Variants in GRAP2 observed in about 807,000 individuals in gnomAD.
GRAP2 encodes GRB2 related adaptor protein 2.
Under a neutral mutation model 43.5 loss-of-function variants are expected in GRAP2, and 31 were observed. The observed-to-expected ratio is 0.71, with a 90% confidence interval of 0.54 to 0.96. The LOEUF is 0.96. Among genes scored for constraint, GRAP2 ranks in the 40% least tolerant of loss-of-function variants. GRAP2 has a pLI of 0.00. For synonymous variants in GRAP2, 156 were observed against 164.8 expected (o/e 0.95, Z 0.41); for missense variants, 371 against 424.4 (o/e 0.87, Z 1.11).
intron 6 of GRAP2, chr22:39,968,578 A>G (rs2067203026): frequency 2.2e-6 from 1 of 456,852 alleles, no homozygotes. Flanking sequence ...GCACAATTCC[A>G]AATCTATTCA....
At chr22:39,924,643 A>G (rs2066681958) in intron 1 of GRAP2, among the ~76,000 whole-genome samples, 1 of 152,194 alleles carries the variant, frequency 6.6e-6, no homozygotes, top group Non-Finnish European at 1.5e-5. Flanking sequence ...CGGAGGTTGC[A>G]GTGAGCCAAG....
intron 1 of GRAP2, among the ~76,000 whole-genome samples, chr22:39,916,844 G>T (rs1404938430): frequency 1.3e-5 from 2 of 151,880 alleles, no homozygotes; most frequent in African/African-American, 4.8e-5. Flanking sequence ...GAGCAGAAAT[G>T]ATTTATTTGA....
upstream of GRAP2, among the ~76,000 whole-genome samples, chr22:39,897,839 G>T (rs1360533904): frequency 6.6e-6 from 1 of 152,000 alleles, no homozygotes; most frequent in Non-Finnish European, 1.5e-5. Context: ...CTCCTAACTG[G>T]TCTCTCTTCT....
At chr22:39,925,926 A>C (rs1199630837) in intron 1 of GRAP2, among the ~76,000 whole-genome samples, 1 of 152,164 alleles carries the variant, frequency 6.6e-6, no homozygotes, top group East Asian at 1.9e-4. Flanking sequence ...CATCACCTCC[A>C]GGAGACTCTC....
chr22:39,952,020 T>G (rs79542937), intron 2 of GRAP2, among the ~76,000 whole-genome samples: 2 of 129,742 alleles, frequency 1.5e-5, no homozygotes, highest in Non-Finnish European at 3.2e-5. Flanking sequence ...AAGTGTGTGG[T>G]TTTTTTTTTT....
chr22:39,900,506 A>G (rs1297584907), upstream of GRAP2, among the ~76,000 whole-genome samples: 1 of 152,208 alleles, frequency 6.6e-6, no homozygotes, highest in Non-Finnish European at 1.5e-5. Context: ...AAAGGTAAGA[A>G]CTAAGGAAGT....
At chr22:39,929,135 G>T (rs1039952893) in intron 1 of GRAP2, among the ~76,000 whole-genome samples, 13 of 152,150 alleles carry the variant, frequency 8.5e-5, no homozygotes, top group African/African-American at 3.1e-4. Flanking sequence ...TCTTTTTAAT[G>T]GTATTGTAGC....
intron 5 of GRAP2, among the ~76,000 whole-genome samples, chr22:39,967,675 T>C (rs543048733): frequency 8.5e-5 from 13 of 152,248 alleles, no homozygotes; most frequent in African/African-American, 2.9e-4. Flanking sequence ...GGAGGGTAGA[T>C]TGTCCAGTGG....
rs2145689298 is a variant in GRAP2 at position 39,971,907 on chromosome 22, A to C, written c.*823A>C. The C allele has an allele frequency of 6.6e-6, 1 of 152,350 alleles. No homozygotes were observed. Among genetic ancestry groups the C allele is most frequent in the Admixed American group, 6.5e-5 (1 of 15,308 alleles). The allele number at this position is 152,350 out of a possible 1,614,324, so 9.4% of individuals were successfully genotyped here. On this transcript the variant is annotated 3_prime_UTR_variant, in exon 8 of 8. Transcript: ENST00000344138. ...GTGCTTGAAGAAGCTCTAGCTGAGA[A>C]TGCTGAATTTTACAGTCATTGTTTT...
chr22:39,963,268 G>C (rs887491592), intron 4 of GRAP2, among the ~76,000 whole-genome samples: 1 of 152,112 alleles, frequency 6.6e-6, no homozygotes, highest in East Asian at 1.9e-4. Context: ...GCCCTGAGTC[G>C]CATCCTTTCC....
At chr22:39,959,027 C>T (rs1239056699) in intron 3 of GRAP2, among the ~76,000 whole-genome samples, 1 of 152,256 alleles carries the variant, frequency 6.6e-6, no homozygotes, top group Admixed American at 6.5e-5. Context: ...GAATCCAAAG[C>T]CAAGGCCTGA....
intron 1 of GRAP2, among the ~76,000 whole-genome samples, chr22:39,923,646 CT>C (rs1043191382): frequency 2.0e-5 from 3 of 152,126 alleles, no homozygotes; most frequent in African/African-American, 7.2e-5. Context: ...GAATTTCCAT[CT>C]GAGTAAAAAG....
intron 1 of GRAP2, among the ~76,000 whole-genome samples, chr22:39,906,714 T>C (rs2066526117): frequency 6.6e-6 from 1 of 152,246 alleles, no homozygotes; most frequent in Non-Finnish European, 1.5e-5. Flanking sequence ...CCCAGCCTTC[T>C]AGAACCACGG....
intron 1 of GRAP2, among the ~76,000 whole-genome samples, chr22:39,944,624 T>C (rs1176253993): frequency 6.6e-6 from 1 of 152,170 alleles, no homozygotes; most frequent in African/African-American, 2.4e-5. Flanking sequence ...ACCGCCTACC[T>C]CCTGGGGGAA....
At chr22:39,907,264 C>T (rs1372468772) in intron 1 of GRAP2, among the ~76,000 whole-genome samples, 4 of 152,034 alleles carry the variant, frequency 2.6e-5, no homozygotes, top group East Asian at 3.8e-4. Flanking sequence ...AAGATGTCAA[C>T]GAAAACTATG....
chr22:39,926,156 T>C (rs2066695556), intron 1 of GRAP2, among the ~76,000 whole-genome samples: 1 of 152,228 alleles, frequency 6.6e-6, no homozygotes, highest in Non-Finnish European at 1.5e-5. Context: ...ACACTAGGTA[T>C]TGAAATGTCT....
rs1396781002 is a variant in GRAP2, at chr22:39,971,812, C to G, written c.*728C>G. The G allele has an allele frequency of 1.3e-5, 2 of 152,182 alleles. No homozygotes were observed. The highest frequency in any genetic ancestry group is 1.3e-4 in the Admixed American group (2 of 15,278). The allele number at this position is 152,182 out of a possible 1,614,324, so 9.4% of individuals were successfully genotyped here. ...GAAATCGAGGGATTTTCCACAATCC[C>G]CAAGCAGCTTACTCAGTGGAACCTC... On this transcript the variant is annotated 3_prime_UTR_variant, in exon 8 of 8. Coordinates refer to ENST00000344138, the MANE Select transcript of GRAP2 (RefSeq NM_004810.4).
chr22:39,925,870 T>C (rs1279200992), intron 1 of GRAP2, among the ~76,000 whole-genome samples: 3 of 152,226 alleles, frequency 2.0e-5, no homozygotes, highest in African/African-American at 7.2e-5. Context: ...TGCCATTGGT[T>C]GTGCTGTCCT....
At chr22:39,956,454 G>A (rs981696919) in intron 3 of GRAP2, among the ~76,000 whole-genome samples, 1 of 151,894 alleles carries the variant, frequency 6.6e-6, no homozygotes, top group African/African-American at 2.4e-5. Flanking sequence ...ACCATGCCTG[G>A]CCTATTTTAA....
Sources: allele counts gnomAD v4.1 joint callset (sites outside exome capture counted in the v4.1 genomes callset), GRCh38; gene constraint gnomAD v4.1.1; transcripts MANE v1.5; gene names NCBI Gene and HGNC (gene_info 2026-07-23, HGNC 2026-07-21).